The following DPP9 variants were observed in gnomAD, a reference collection of about 807,000 sequenced individuals.
DPP9 encodes the protein dipeptidyl peptidase IV-related protein-2.
A neutral mutation model predicts 110.7 loss-of-function variants in DPP9; 50 were observed. The ratio of observed to expected loss-of-function variants is 0.45; its 90% CI spans 0.36 to 0.57. The LOEUF (loss-of-function observed/expected upper bound fraction) is 0.57, where lower values mean the gene tolerates loss of function less well. DPP9 is among the 20% of genes least tolerant of loss of function. The pLI is 0.00. For missense variants in DPP9, 1,022 were observed against 1,217.9 expected (o/e 0.84, Z 2.39); for synonymous variants, 561 against 514.4 (o/e 1.09, Z -1.23).
In DPP9 at chr19:4,676,168, G is replaced by A. The variant is rs1394891943; in HGVS notation, c.*396C>T. 5.0e-6 allele frequency: 1 copy of A among 201,738 alleles called. No individual in the cohort carries two copies. Among genetic ancestry groups the A allele is most frequent in the Non-Finnish European group, 1.0e-5 (1 of 99,522 alleles). The allele number at this position is 201,738 out of a possible 1,614,324, so 12.5% of individuals were successfully genotyped here. ...GGGGGGACAGGCAATTGCATGCTTG[G>A]GTGCTGGGGACGGTGGCTGGCCGGG... On this transcript the variant is annotated 3_prime_UTR_variant, in exon 22 of 22. Transcript: ENST00000262960. This position sits in a 1 kb window ranked among gnomAD's most constrained non-coding sequence, Gnocchi z 4.0.
Position 4,693,047 on chromosome 19 carries a change from G to A in DPP9, c.1516+1614C>T, listed in dbSNP as rs1318785465. On this transcript the variant is annotated intron_variant, in intron 13 of 21. Coordinates refer to ENST00000262960, the MANE Select transcript of DPP9 (RefSeq NM_139159.5). This position sits in a 1 kb window ranked among gnomAD's most constrained non-coding sequence, Gnocchi z 5.0. Reference sequence around the variant, plus strand: ...CCCTGGGGTCTCTGTCCCCTGTGTTGGGGGACGCCTTGGCTGCTGTGTGGG... The same window carrying A: ...CCCTGGGGTCTCTGTCCCCTGTGTTAGGGGACGCCTTGGCTGCTGTGTGGG... 6.6e-6 allele frequency among the ~76,000 whole-genome samples: 1 copy of A among 152,146 alleles called. No homozygotes were observed. Among genetic ancestry groups the A allele is most frequent in the Non-Finnish European group, 1.5e-5 (1 of 67,992 alleles).
At chr19:4,705,714 C>T in intron 5 of DPP9, 144 bp downstream of exon 5, 1 of 698,276 alleles carries the variant, frequency 1.4e-6, no homozygotes, top group Non-Finnish European at 2.4e-6. Context: ...GAAGGCTCAC[C>T]CGCCAGAGTC....
In DPP9 at chr19:4,676,434, G is replaced by C. The variant is rs190003658; in HGVS notation, c.*130C>G. 3.9e-6 allele frequency: 3 copies of C among 765,274 alleles called. No homozygotes were observed. The allele number at this position is 765,274 out of a possible 1,614,324, so 47.4% of individuals were successfully genotyped here. A position where few individuals can be genotyped will look rare whatever the true frequency, so the allele number is the denominator to read the frequency against. ...GGGGCGGTGAAGGCAGCGGCTCCTC[G>C]GGGCTGGCCAGCGCTGGGCGGGACA... On this transcript the variant is annotated 3_prime_UTR_variant, in exon 22 of 22. Transcript: ENST00000262960. The surrounding 1 kb of genome is among the most constrained non-coding windows in gnomAD (Gnocchi z 4.0).
Position 4,698,714 on chromosome 19 carries a change from T to C in DPP9, c.1075-1063A>G, listed in dbSNP as rs552264889. The stretch of plus-strand genomic sequence containing the variant: ...GCAGTGGGTCATGATTGCACCAGTG[T>C]ACTCCAGCCTAGACGACAGTGAGAC... On this transcript the variant is annotated intron_variant, in intron 10 of 21. Coordinates refer to ENST00000262960, the MANE Select transcript of DPP9 (RefSeq NM_139159.5). The surrounding 1 kb of genome is among the most constrained non-coding windows in gnomAD (Gnocchi z 4.2). Among the ~76,000 whole-genome samples, 55 of 151,972 alleles carry C rather than the reference T, an allele frequency of 3.6e-4. No individual in the cohort carries two copies. Among genetic ancestry groups the C allele is most frequent in the African/African-American group, 1.3e-3 (54 of 41,470 alleles).
At position 4,695,380 on chromosome 19, in the gene DPP9, T is replaced by C; in HGVS notation, c.1351A>G (p.Asn451Asp). 6.4e-7 allele frequency: 1 copy of C among 1,569,920 alleles called. No homozygotes were observed. The highest frequency in any genetic ancestry group is 8.6e-7 in the Non-Finnish European group (1 of 1,157,484). The part of the protein sequence containing the change: ...VYEEVTNVWI[N>D]VHDIFYPFPQ... ...CAGCCAGCGCTTGCCCCGCTTACAT[T>C]GATCCAGACGTTGGTGACCTCCTCG... is the stretch of plus-strand genomic sequence containing the variant. The change falls in exon 12 of 22, where the codon AAT becomes GAT. Residue 451 changes from asparagine to aspartate, a missense_variant and splice_region_variant. Around this residue, in one of 3 missense-constraint regions of DPP9, gnomAD observed 810 missense variants for 920.6 expected, o/e 0.88. Coordinates refer to ENST00000262960, the MANE Select transcript of DPP9 (RefSeq NM_139159.5). This position sits in a 1 kb window ranked among gnomAD's most constrained non-coding sequence, Gnocchi z 4.7.
In DPP9 at chr19:4,690,929, C is replaced by G. The variant is rs1409199149; in HGVS notation, c.1545G>C (p.Glu515Asp). 2 of 1,613,330 alleles carry G rather than the reference C, an allele frequency of 1.2e-6. No homozygotes were observed. Among genetic ancestry groups the G allele is most frequent in the Admixed American group, 1.7e-5 (1 of 59,950 alleles). The change falls in exon 14 of 22, where the codon GAG becomes GAC. Residue 515 changes from glutamate (E) to aspartate (D), a missense_variant. Physicochemically the swap from Glu to Asp is conservative, Grantham distance 45. Transcript: ENST00000262960. ...EDEFKCPIKEEIALTSGEWEV... is the reference protein window; with the variant it reads ...EDEFKCPIKEDIALTSGEWEV... ...CCCATTCACCGCTGGTCAGAGCAAT[C>G]TCTTCCTTAATGGGGCACTTAAATT... is the stretch of plus-strand genomic sequence containing the variant.
intron 11 of DPP9, among the ~76,000 whole-genome samples, chr19:4,696,971 T>C (rs868541440): frequency 6.6e-6 from 1 of 151,686 alleles, no homozygotes; most frequent in Non-Finnish European, 1.5e-5. Context: ...TAGTGGCGAG[T>C]ACCTATAGTC....
Position 4,700,404 on chromosome 19 carries a change from G to A in DPP9, c.1013-127C>T, listed in dbSNP as rs1599912915. The A allele has an allele frequency of 5.3e-5, 32 of 608,636 alleles. No individual in the cohort carries two copies. In the East Asian group the frequency reaches 1.0e-3, roughly 20 times the overall value. The allele number at this position is 608,636 out of a possible 1,614,324, so 37.7% of individuals were successfully genotyped here. On this transcript the variant is annotated intron_variant, in intron 9 of 21. Coordinates refer to ENST00000262960, the MANE Select transcript of DPP9 (RefSeq NM_139159.5). The surrounding 1 kb of genome is among the most constrained non-coding windows in gnomAD (Gnocchi z 4.3). ...TGTACAATTGGAGTGGGGGAGGCAG[G>A]AGAAGCCAGGTGTCCCACGGTCTGT...
intron 2 of DPP9, among the ~76,000 whole-genome samples, chr19:4,721,101 C>T (rs1178000284): frequency 4.6e-5 from 7 of 152,166 alleles, no homozygotes; most frequent in Admixed American, 1.3e-4. Flanking sequence ...ACGACTGGGA[C>T]GGTGAGGGGA....
chr19:4,684,695 G>C lies in DPP9; in HGVS notation c.2146C>G (p.Leu716Val). The C allele has an allele frequency of 6.2e-7, 1 of 1,612,650 alleles. No individual in the cohort carries two copies. The highest frequency in any genetic ancestry group is 8.5e-7 in the Non-Finnish European group (1 of 1,179,474). Reference protein sequence around the residue: ...IDGRGSCQRGLRFEGALKNQM... With the variant: ...IDGRGSCQRGVRFEGALKNQM... ...TTTTTCAGGGCCCCTTCGAACCGAAGCCCTCGCTGACAGGAGCCCCTGCCG... is the reference window on the plus strand; with the variant it reads ...TTTTTCAGGGCCCCTTCGAACCGAACCCCTCGCTGACAGGAGCCCCTGCCG... Residue 716 changes from leucine to valine, a missense_variant, in exon 18 of 22, where the codon CTT becomes GTT. Around this residue, in one of 3 missense-constraint regions of DPP9, gnomAD observed 209 missense variants for 280.4 expected, o/e 0.75. Transcript: ENST00000262960. The surrounding 1 kb of genome is among the most constrained non-coding windows in gnomAD (Gnocchi z 4.8).
At position 4,702,728 on chromosome 19, in the gene DPP9, G is replaced by C. The variant is rs111709962; in HGVS notation, c.770-12C>G. 5,387 of 1,553,460 alleles carry C rather than the reference G, an allele frequency of 3.5e-3. 181 individuals carry two copies. The African/African-American group carries it at 0.067, about 19-fold the overall frequency. ...GACATTGGATAAACCTAGGGGGAGGGACGGAGAGCATCAACAAGGGGTGAG... is the reference window on the plus strand; with the variant it reads ...GACATTGGATAAACCTAGGGGGAGGCACGGAGAGCATCAACAAGGGGTGAG... On this transcript the variant is annotated splice_polypyrimidine_tract_variant and intron_variant, in intron 7 of 21. Coordinates refer to ENST00000262960, the MANE Select transcript of DPP9 (RefSeq NM_139159.5).
Position 4,703,997 on chromosome 19 carries a change from G to C in DPP9, c.658C>G (p.Pro220Ala). The C allele has an allele frequency of 6.2e-7, 1 of 1,614,028 alleles. No individual in the cohort carries two copies. The highest frequency in any genetic ancestry group is 2.2e-5 in the East Asian group (1 of 44,882). Residue 220 changes from proline to alanine, a missense_variant, in exon 7 of 22, where the codon CCC becomes GCC. By Grantham distance (27) the Pro-to-Ala change is conservative (BLOSUM62 -1). Around this residue, in one of 3 missense-constraint regions of DPP9, gnomAD observed 810 missense variants for 920.6 expected, o/e 0.88. Coordinates refer to ENST00000262960, the MANE Select transcript of DPP9 (RefSeq NM_139159.5). ...KTQCSGPRMD[P>A]KICPADPAFF... Reference sequence around the variant, plus strand: ...GCAGGGTCGGCAGGGCAGATTTTGGGGTCCATCCGGGGCCCTGAGCACTGG... The same window carrying C: ...GCAGGGTCGGCAGGGCAGATTTTGGCGTCCATCCGGGGCCCTGAGCACTGG...
At position 4,695,398 on chromosome 19, in the gene DPP9, C is replaced by A. The variant is rs974622702; in HGVS notation, c.1333G>T (p.Val445Phe). ...NVQPYVVYEE[V>F]TNVWINVHDI... The stretch of plus-strand genomic sequence containing the variant: ...CTTACATTGATCCAGACGTTGGTGA[C>A]CTCCTCGTACACCACATACGGCTGG... The change falls in exon 12 of 22, where the codon GTC (valine) becomes TTC (phenylalanine). Residue 445 changes from valine (V) to phenylalanine (F), a missense_variant. By Grantham distance (50) the Val-to-Phe change is conservative. Around this residue, in one of 3 missense-constraint regions of DPP9, gnomAD observed 810 missense variants for 920.6 expected, o/e 0.88. Coordinates refer to ENST00000262960, the MANE Select transcript of DPP9 (RefSeq NM_139159.5). The surrounding 1 kb of genome is among the most constrained non-coding windows in gnomAD (Gnocchi z 4.7). 1 of 1,585,012 alleles carries A rather than the reference C, an allele frequency of 6.3e-7. No homozygotes were observed. Among genetic ancestry groups the A allele is most frequent in the African/African-American group, 1.3e-5 (1 of 74,124 alleles).
intron 20 of DPP9, 21 bp from the exon 21 acceptor site, chr19:4,679,967 G>A (rs1362316777): frequency 2.5e-6 from 4 of 1,580,122 alleles, no homozygotes; most frequent in Non-Finnish European, 3.5e-6. Context: ...GATGGGGAAG[G>A]GTCTGAGGCC....
intron 4 of DPP9, among the ~76,000 whole-genome samples, chr19:4,706,489 T>G (rs1179578164): frequency 6.6e-6 from 1 of 151,814 alleles, no homozygotes; most frequent in Non-Finnish European, 1.5e-5. Context: ...GACAAGAATT[T>G]AATATAGGAT....
chr19:4,681,099 C>A (rs777226047), intron 20 of DPP9, among the ~76,000 whole-genome samples: 3 of 152,190 alleles, frequency 2.0e-5, no homozygotes, highest in Non-Finnish European at 2.9e-5. Context: ...AGTGGCCACA[C>A]GTCGCCGTTG....
In DPP9 at chr19:4,684,037, C is replaced by T. The variant is rs969786914; in HGVS notation, c.2179-408G>A. 1 of 374,236 alleles carries T rather than the reference C, an allele frequency of 2.7e-6. No homozygotes were observed. The highest frequency in any genetic ancestry group is 6.8e-5 in the East Asian group (1 of 14,624). The allele number at this position is 374,236 out of a possible 1,614,324, so 23.2% of individuals were successfully genotyped here. ...CTACCAGCCACATCCCCACCACCGC[C>T]ACTGCCACGATTTCAATGCTGGTGT... On this transcript the variant is annotated intron_variant, in intron 18 of 21. Coordinates refer to ENST00000262960, the MANE Select transcript of DPP9 (RefSeq NM_139159.5). This position sits in a 1 kb window ranked among gnomAD's most constrained non-coding sequence, Gnocchi z 4.8.
intron 8 of DPP9, 82 bp from the exon 9 acceptor site, chr19:4,702,237 CG>C (rs1195935230): frequency 1.7e-5 from 26 of 1,499,512 alleles, no homozygotes; most frequent in Non-Finnish European, 2.2e-5. Context: ...CCTGCAGCAC[CG>C]GGGCCTGAAG....
chr19:4,697,114 G>A lies in DPP9; in HGVS notation c.1175+437C>T, dbSNP rs1192318896. 2.6e-5 allele frequency among the ~76,000 whole-genome samples: 4 copies of A among 151,968 alleles called. No homozygotes were observed. In the East Asian group the frequency reaches 5.8e-4, roughly 22 times the overall value. On this transcript the variant is annotated intron_variant, in intron 11 of 21. Transcript: ENST00000262960. ...ACTCCATCTCAAAAAAAAAAAACAG[G>A]CAGAGGCTGAATTTGCCCACTGGGG...
Sources: gnomAD v4.1 joint callset for allele counts (sites outside exome capture counted in the v4.1 genomes callset) on GRCh38, gnomAD v4.1.1 for gene constraint, gnomAD v4.1.1 regional missense constraint, Gnocchi (gnomAD v3.1) non-coding constraint, MANE v1.5 for transcripts, NCBI Gene and HGNC (gene_info 2026-07-23, HGNC 2026-07-21) for gene names.